The following SORCS1 variants were observed in gnomAD, a reference collection of about 807,000 sequenced individuals.
SORCS1 encodes VPS10 domain-containing receptor SorCS1.
In SORCS1, 60 loss-of-function variants were observed where a neutral mutation model predicts 146.1. That is an observed-to-expected ratio of 0.41 (90% CI 0.33 to 0.51). The LOEUF (loss-of-function observed/expected upper bound fraction) is 0.51, where lower values mean the gene tolerates loss of function less well. Ranked by LOEUF, SORCS1 falls within the 20% of genes least tolerant of loss-of-function variation. The probability of loss-of-function intolerance (pLI) is 0.21; values close to 1 mark genes in which losing one functional copy is unlikely to be tolerated. For missense variants in SORCS1, 1,352 were observed against 1,487.6 expected (o/e 0.91, Z 1.50); for synonymous variants, 637 against 584.0 (o/e 1.09, Z -1.31).
chr10:106,736,278 G>C (rs921888231), intron 5 of SORCS1, among the ~76,000 whole-genome samples: 45 of 152,162 alleles, frequency 3.0e-4, no homozygotes, highest in African/African-American at 1.1e-3. Flanking sequence ...CGCAGAGCAA[G>C]TATTACAAAA....
At chr10:106,649,950 T>C (rs541168012) in intron 18 of SORCS1, among the ~76,000 whole-genome samples, 8 of 152,350 alleles carry the variant, frequency 5.3e-5, no homozygotes, top group Admixed American at 3.3e-4. Flanking sequence ...TTGGTATTTC[T>C]TATTGATTAC....
intron 3 of SORCS1, among the ~76,000 whole-genome samples, chr10:106,811,114 A>G (rs899428032): frequency 4.0e-5 from 6 of 151,688 alleles, no homozygotes; most frequent in Non-Finnish European, 7.4e-5. Flanking sequence ...TAATTTTTGT[A>G]TTTTTAGTAG....
chr10:107,082,786 ATTTTG>A (rs1963431363), intron 1 of SORCS1, among the ~76,000 whole-genome samples: 1 of 152,024 alleles, frequency 6.6e-6, no homozygotes, highest in Admixed American at 6.6e-5. Flanking sequence ...CTGGTGTTTC[ATTTTG>A]TTTTGTTTTT....
At chr10:106,687,022 A>G (rs532170249) in intron 10 of SORCS1, among the ~76,000 whole-genome samples, 4 of 152,334 alleles carry the variant, frequency 2.6e-5, no homozygotes, top group Admixed American at 2.6e-4. Flanking sequence ...CTAGGCTTAC[A>G]CAATCAGCTG....
chr10:106,976,888 C>T (rs995745984), intron 1 of SORCS1, among the ~76,000 whole-genome samples: 11 of 152,132 alleles, frequency 7.2e-5, no homozygotes, highest in Non-Finnish European at 1.2e-4. Flanking sequence ...TTTATGGCTG[C>T]ATAGTATTCC....
At chr10:107,028,018 T>C (rs1338650242) in intron 1 of SORCS1, among the ~76,000 whole-genome samples, 2 of 152,234 alleles carry the variant, frequency 1.3e-5, no homozygotes, top group East Asian at 1.9e-4. Flanking sequence ...AATGAGATAA[T>C]GGTTATTTTA....
At chr10:107,113,918 A>G (rs886931030) in intron 1 of SORCS1, among the ~76,000 whole-genome samples, 2 of 152,008 alleles carry the variant, frequency 1.3e-5, no homozygotes, top group Non-Finnish European at 2.9e-5. Context: ...GTTAACCAGA[A>G]AATAAAGAGA....
At chr10:106,699,542 G>A in intron 8 of SORCS1, 149 bp from the exon 9 acceptor site, 1 of 635,408 alleles carries the variant, frequency 1.6e-6, no homozygotes, top group Non-Finnish European at 2.5e-6. Context: ...AGAAATAATA[G>A]TTAAGCATTA....
chr10:107,131,857 G>T (rs1966881680), intron 1 of SORCS1, among the ~76,000 whole-genome samples: 1 of 152,226 alleles, frequency 6.6e-6, no homozygotes, highest in South Asian at 2.1e-4. Flanking sequence ...AGACTGAGCA[G>T]CCGAGGCACA....
intron 1 of SORCS1, among the ~76,000 whole-genome samples, chr10:107,048,175 T>C (rs1959699594): frequency 6.6e-6 from 1 of 152,220 alleles, no homozygotes; most frequent in South Asian, 2.1e-4. Flanking sequence ...ACCTTTCTTA[T>C]TGCCTCAATC....
intron 10 of SORCS1, among the ~76,000 whole-genome samples, chr10:106,685,729 A>C (rs1362308831): frequency 6.6e-6 from 1 of 152,158 alleles, no homozygotes; most frequent in Non-Finnish European, 1.5e-5. Flanking sequence ...GGAGAACTAC[A>C]CAGGGGCCAG....
At chr10:107,010,753 C>G (rs926151803) in intron 1 of SORCS1, among the ~76,000 whole-genome samples, 1 of 152,112 alleles carries the variant, frequency 6.6e-6, no homozygotes, top group Non-Finnish European at 1.5e-5. Context: ...TTTGTAAGAC[C>G]GAGTTCATAA....
intron 4 of SORCS1, among the ~76,000 whole-genome samples, chr10:106,769,537 G>A (rs1299280226): frequency 2.0e-5 from 3 of 151,060 alleles, no homozygotes; most frequent in Non-Finnish European, 2.9e-5. Flanking sequence ...GGAATAAAGA[G>A]AAGATTTTTT....
At chr10:107,177,028 T>C in the SORCS1 span, among the ~76,000 whole-genome samples, 1 of 152,198 alleles carries the variant, frequency 6.6e-6, no homozygotes, top group African/African-American at 2.4e-5. Flanking sequence ...GAAGATGTGT[T>C]ATTAGGGTCA....
At chr10:107,155,977 C>T (rs1281956641) in intron 1 of SORCS1, among the ~76,000 whole-genome samples, 1 of 152,140 alleles carries the variant, frequency 6.6e-6, no homozygotes, top group African/African-American at 2.4e-5. Flanking sequence ...AACAAGATGA[C>T]ACACATTAAT....
chr10:106,770,260 C>T (rs901430958), intron 4 of SORCS1, among the ~76,000 whole-genome samples: 4 of 152,036 alleles, frequency 2.6e-5, no homozygotes, highest in Non-Finnish European at 5.9e-5. Flanking sequence ...ATTTCATAAA[C>T]TGTGATCCTT....
At position 106,776,644 on chromosome 10, in the gene SORCS1, A is replaced by C. The variant is rs1860456036; in HGVS notation, c.775T>G (p.Ser259Ala). The C allele has an allele frequency of 1.9e-6, 3 of 1,613,976 alleles. No individual in the cohort carries two copies. The highest frequency in any genetic ancestry group is 1.7e-6 in the Non-Finnish European group (2 of 1,179,962). ...TTTTGATAAGTTGCCCCTTCATCTG[A>C]GCTGATCAATAAACTGCTCTCAATC... ...PEIESSLLIS[S>A]DEGATYQKYR... Residue 259 changes from serine (S) to alanine (A), a missense_variant, in exon 4 of 26, where the codon TCA (serine) becomes GCA (alanine). Physicochemically the swap from Ser to Ala is moderately conservative, Grantham distance 99. Transcript: ENST00000263054.
intron 1 of SORCS1, among the ~76,000 whole-genome samples, chr10:107,039,896 G>T (rs555550976): frequency 2.6e-4 from 40 of 152,258 alleles, no homozygotes; most frequent in African/African-American, 9.4e-4. Flanking sequence ...GATCACTTGA[G>T]GCCAAAAGTT....
chr10:107,170,765 G>C, the SORCS1 span, among the ~76,000 whole-genome samples: 1 of 152,194 alleles, frequency 6.6e-6, no homozygotes, highest in African/African-American at 2.4e-5. Context: ...CTCCAGTCCA[G>C]ATATTCCCAA....
Sources: gnomAD v4.1 joint callset for allele counts (sites outside exome capture counted in the v4.1 genomes callset) on GRCh38, gnomAD v4.1.1 for gene constraint, MANE v1.5 for transcripts, NCBI Gene and HGNC (gene_info 2026-07-23, HGNC 2026-07-21) for gene names.